The following SETDB1 variants were observed in gnomAD, a reference collection of about 807,000 sequenced individuals.
SETDB1 encodes the protein histone-lysine N-methyltransferase SETDB1.
SETDB1 carries 31 observed loss-of-function variants against 137.4 expected under a neutral mutation model. That is an observed-to-expected ratio of 0.23 (90% CI 0.17 to 0.30). SETDB1 has a LOEUF of 0.30. Ranked by LOEUF, SETDB1 falls within the 10% of genes least tolerant of loss-of-function variation. The pLI, the probability that SETDB1 is intolerant of heterozygous loss-of-function variation, is 1.00. For synonymous variants in SETDB1, 548 were observed against 579.9 expected, an observed-to-expected ratio of 0.95 and a Z score of 0.79; for missense variants, 1,113 against 1,631.5, an observed-to-expected ratio of 0.68 and a Z score of 5.47.
At position 150,944,968 on chromosome 1, in the gene SETDB1, G is replaced by A. The variant is rs1558018372; in HGVS notation, c.1000G>A (p.Glu334Lys). 6.2e-7 allele frequency: 1 copy of A among 1,614,026 alleles called. No homozygotes were observed. Among genetic ancestry groups the A allele is most frequent in the South Asian group, 1.1e-5 (1 of 91,084 alleles). Reference sequence around the variant, plus strand: ...AGACATCTCCTGCCGTGACTTCATAGAGGAGTATGTCACTGCCTACCCCAA... The same window carrying A: ...AGACATCTCCTGCCGTGACTTCATAAAGGAGTATGTCACTGCCTACCCCAA... ...IEDISCRDFI[E>K]EYVTAYPNRP... The change falls in exon 9 of 22, where the codon GAG becomes AAG. Residue 334 changes from glutamate (E) to lysine (K), a missense_variant. Transcript: ENST00000692827.
intron 7 of SETDB1, 147 bp from the exon 8 acceptor site, chr1:150,943,773 C>A: frequency 1.8e-6 from 1 of 563,214 alleles, no homozygotes; most frequent in Non-Finnish European, 3.2e-6. Flanking sequence ...GAAAGAAAAA[C>A]AGGAAGAAAG....
At position 150,964,559 on chromosome 1, in the gene SETDB1, A is replaced by G; in HGVS notation, c.*195A>G. On this transcript the variant is annotated 3_prime_UTR_variant, in exon 22 of 22. Transcript: ENST00000692827. ...GGCAGGATCCCTTCTCCACCTCCAA[A>G]GGCCCTAAAGGGTGGGGAGAGATCA... The G allele has an allele frequency of 1.4e-6, 1 of 701,578 alleles. No homozygotes were observed. Among genetic ancestry groups the G allele is most frequent in the Non-Finnish European group, 2.6e-6 (1 of 384,878 alleles). 43.5% of individuals were successfully genotyped at this position (701,578 alleles called of 1,614,324 possible).
intron 2 of SETDB1, among the ~76,000 whole-genome samples, chr1:150,929,369 A>T (rs1172844125): frequency 6.9e-6 from 1 of 145,446 alleles, no homozygotes; most frequent in African/African-American, 2.5e-5. Context: ...TTTTTATTTT[A>T]TTTTTATTTT....
In SETDB1 at chr1:150,960,699, C is replaced by G; in HGVS notation, c.2640C>G (p.Asp880Glu). The G allele has an allele frequency of 6.2e-7, 1 of 1,611,838 alleles. No individual in the cohort carries two copies. Among genetic ancestry groups the G allele is most frequent in the Non-Finnish European group, 8.5e-7 (1 of 1,179,006 alleles). Residue 880 changes from aspartate (D) to glutamate (E), a missense_variant, in exon 16 of 22, where the codon GAC (aspartate) becomes GAG (glutamate). Coordinates refer to ENST00000692827, the MANE Select transcript of SETDB1 (RefSeq NM_001366418.1). ...GYESDAPCSS[D>E]SSGVDLKDQE... ...AGAGTGATGCCCCCTGTTCCTCTGA[C>G]AGCAGTGGTGTAGACTTGAAGGACC...
Position 150,945,099 on chromosome 1 carries a change from C to T in SETDB1, c.1131C>T (p.Ile377=). 1 of 1,613,886 alleles carries T rather than the reference C, an allele frequency of 6.2e-7. No individual in the cohort carries two copies. Among genetic ancestry groups the T allele is most frequent in the Non-Finnish European group, 8.5e-7 (1 of 1,179,886 alleles). Residue 377 remains isoleucine, a synonymous_variant, in exon 9 of 22, where the codon ATC becomes ATT. Transcript: ENST00000692827. ...VEEVDGSLVR[I]LFLDDKRCEW... ...AGGTGGATGGCAGCCTAGTCAGGAT[C>T]CTCTTCCTGGTACTGTTCTTCTCTA...
chr1:150,954,998 C>A (rs1204995811), intron 14 of SETDB1, among the ~76,000 whole-genome samples: 1 of 152,186 alleles, frequency 6.6e-6, no homozygotes, highest in Non-Finnish European at 1.5e-5. Flanking sequence ...GTAGGAGCGA[C>A]TTCTTCAGGA....
At chr1:150,934,961 A>G (rs1448916706) in intron 3 of SETDB1, among the ~76,000 whole-genome samples, 1 of 152,108 alleles carries the variant, frequency 6.6e-6, no homozygotes, top group East Asian at 1.9e-4. Flanking sequence ...AGTTGGGACT[A>G]CAGGTGTGCA....
intron 14 of SETDB1, among the ~76,000 whole-genome samples, chr1:150,952,590 G>A (rs193216309): frequency 7.0e-4 from 107 of 152,150 alleles, no homozygotes; most frequent in African/African-American, 2.5e-3. Context: ...TGTTAAGTTT[G>A]AAATGCCGCC....
At chr1:150,963,813 TA>T in intron 20 of SETDB1, 72 bp downstream of exon 20, 1 of 1,460,226 alleles carries the variant, frequency 6.8e-7, no homozygotes, top group Non-Finnish European at 9.6e-7. Flanking sequence ...ACATACTCTA[TA>T]AGCCCTTTTC....
At chr1:150,936,036 G>T (rs1409147420) in intron 3 of SETDB1, among the ~76,000 whole-genome samples, 1 of 152,180 alleles carries the variant, frequency 6.6e-6, no homozygotes, top group Non-Finnish European at 1.5e-5. Context: ...GCCCAGGCTG[G>T]AGTGCAATGG....
At position 150,950,893 on chromosome 1, in the gene SETDB1, C is replaced by T; in HGVS notation, c.2019C>T (p.Pro673=). Residue 673 remains proline, a synonymous_variant, in exon 13 of 22, where the codon CCC becomes CCT. Coordinates refer to ENST00000692827, the MANE Select transcript of SETDB1 (RefSeq NM_001366418.1). The part of the protein sequence containing the change: ...PYVLVDRKFQ[P]YKPFYYILDI... ...TTCTTGTGGACCGAAAGTTTCAGCC[C>T]TATAAGCCTTTTTACTATATTTTGG... The T allele has an allele frequency of 1.9e-6, 3 of 1,614,118 alleles. No homozygotes were observed. Among genetic ancestry groups the T allele is most frequent in the Non-Finnish European group, 1.7e-6 (2 of 1,180,030 alleles).
At chr1:150,962,482 CCTGT>C in intron 17 of SETDB1, 101 bp from the exon 18 acceptor site, 1 of 1,110,812 alleles carries the variant, frequency 9.0e-7, no homozygotes. Flanking sequence ...CAGCCCAGTG[CCTGT>C]CTTTTTGACC....
chr1:150,947,108 T>G, intron 10 of SETDB1, 96 bp downstream of exon 10: 2 of 1,413,896 alleles, frequency 1.4e-6, no homozygotes, highest in Non-Finnish European at 9.7e-7. Flanking sequence ...ATGGTTACAC[T>G]GTATACTCAT....
At chr1:150,927,624 T>G in intron 1 of SETDB1, 80 bp from the exon 2 acceptor site, 2 of 1,311,976 alleles carry the variant, frequency 1.5e-6, no homozygotes, top group Non-Finnish European at 2.1e-6. Flanking sequence ...AGGAATTAGT[T>G]TTATTAGGGA....
At chr1:150,947,553 T>G (rs1670366139) in intron 10 of SETDB1, among the ~76,000 whole-genome samples, 1 of 152,128 alleles carries the variant, frequency 6.6e-6, no homozygotes, top group South Asian at 2.1e-4. Flanking sequence ...GGTAGGTGGT[T>G]TGCTTGAGCT....
intron 3 of SETDB1, among the ~76,000 whole-genome samples, chr1:150,930,924 T>C (rs1669714482): frequency 6.6e-6 from 1 of 152,150 alleles, no homozygotes; most frequent in Non-Finnish European, 1.5e-5. Context: ...CTTTTTCTTT[T>C]CTTATTGTAC....
chr1:150,937,050 G>A (rs929562893), intron 3 of SETDB1, among the ~76,000 whole-genome samples: 9 of 152,072 alleles, frequency 5.9e-5, no homozygotes, highest in Non-Finnish European at 1.2e-4. Context: ...GCTTGAACCC[G>A]GGAGGCGGAG....
chr1:150,962,804 T>C, intron 18 of SETDB1, 85 bp downstream of exon 18: 2 of 1,503,736 alleles, frequency 1.3e-6, no homozygotes, highest in Non-Finnish European at 1.8e-6. Context: ...TAATTACTGT[T>C]AGGTCTTCTC....
chr1:150,949,196 G>A lies in SETDB1; in HGVS notation c.1342G>A (p.Val448Met), dbSNP rs974812568. 5 of 1,614,080 alleles carry A rather than the reference G, an allele frequency of 3.1e-6. No homozygotes were observed. The highest frequency in any genetic ancestry group is 3.4e-6 in the Non-Finnish European group (4 of 1,179,998). The change falls in exon 11 of 22, where the codon GTG becomes ATG. Residue 448 changes from valine to methionine, a missense_variant. Physicochemically the swap from Val to Met is conservative, Grantham distance 21. Transcript: ENST00000692827. The stretch of plus-strand genomic sequence containing the variant: ...CGGTACTGGAACCCAGTTCAAGCCA[G>A]TGGAACCCCCACAGCCTACAGCTCC... Reference protein sequence around the residue: ...LTGTGTQFKPVEPPQPTAPPA... With the variant: ...LTGTGTQFKPMEPPQPTAPPA...
Sources: allele counts gnomAD v4.1 joint callset (sites outside exome capture counted in the v4.1 genomes callset), GRCh38; gene constraint gnomAD v4.1.1; transcripts MANE v1.5; gene names NCBI Gene and HGNC (gene_info 2026-07-23, HGNC 2026-07-21).